Variants in NUMB observed in about 807,000 individuals in gnomAD.
NUMB encodes NUMB endocytic adaptor protein.
In NUMB, 29 loss-of-function variants were observed where a neutral mutation model predicts 59.7. That is an observed-to-expected ratio of 0.49 (90% confidence interval 0.36 to 0.66). The LOEUF (loss-of-function observed/expected upper bound fraction) is 0.66, where lower values mean the gene tolerates loss of function less well. Among genes scored for constraint, NUMB ranks in the 30% least tolerant of loss-of-function variants. The pLI is 0.00. For synonymous variants in NUMB, 288 were observed against 288.2 expected (o/e 1.00, Z 0.01); for missense variants, 723 against 822.0 (o/e 0.88, Z 1.47).
chr14:73,292,946 C>T, intron 7 of NUMB, 72 bp from the exon 8 acceptor site: 2 of 1,445,510 alleles, frequency 1.4e-6, no homozygotes, highest in East Asian at 2.3e-5. Flanking sequence ...ACAGGATGTT[C>T]ATTTCATGAT....
intron 1 of NUMB, among the ~76,000 whole-genome samples, chr14:73,432,947 G>A (rs1566794898): frequency 1.3e-5 from 2 of 152,204 alleles, no homozygotes. Flanking sequence ...GTTCACGCCT[G>A]TAATCCCAGC....
chr14:73,312,424 A>G (rs1480124345), intron 6 of NUMB, among the ~76,000 whole-genome samples: 1 of 151,998 alleles, frequency 6.6e-6, no homozygotes, highest in Non-Finnish European at 1.5e-5. Flanking sequence ...CACATAAGCC[A>G]TCGAGCACGC....
intron 2 of NUMB, among the ~76,000 whole-genome samples, chr14:73,379,763 G>A (rs1378464685): frequency 6.6e-6 from 1 of 152,142 alleles, no homozygotes; most frequent in African/African-American, 2.4e-5. Context: ...AAGTTGCAGT[G>A]TTAGAGGAAT....
chr14:73,368,962 G>A (rs1594956389), intron 2 of NUMB, among the ~76,000 whole-genome samples: 1 of 152,140 alleles, frequency 6.6e-6, no homozygotes. Context: ...TGTTAGTATG[G>A]AGGTATATAT....
chr14:73,341,641 G>A (rs1281816885), intron 4 of NUMB, among the ~76,000 whole-genome samples: 1 of 152,038 alleles, frequency 6.6e-6, no homozygotes, highest in Non-Finnish European at 1.5e-5. Context: ...CTATAGCCTC[G>A]AACTTCTGGC....
intron 1 of NUMB, among the ~76,000 whole-genome samples, chr14:73,430,408 T>A (rs1364127085): frequency 6.6e-6 from 1 of 152,046 alleles, no homozygotes; most frequent in African/African-American, 2.4e-5. Flanking sequence ...GGCAGGAAGA[T>A]GGCTTGAGCC....
At chr14:73,353,202 A>G (rs1043507775) in intron 4 of NUMB, among the ~76,000 whole-genome samples, 1 of 145,534 alleles carries the variant, frequency 6.9e-6, no homozygotes, top group South Asian at 2.2e-4. Context: ...CTCCTGCCTT[A>G]GCTTCCTGAG....
rs1379306129 is a variant in NUMB, at chr14:73,382,436, T to C, written c.-100-15455A>G. ...TGCCACTGCGCCCAGCCAAAGTGCC[T>C]ATTTTTATAGCAAAAAAAAAAAAAA... On this transcript the variant is annotated intron_variant, in intron 2 of 12. Transcript: ENST00000555238. 2.0e-5 allele frequency among the ~76,000 whole-genome samples: 3 copies of C among 146,358 alleles called. No homozygotes were observed. In the East Asian group the frequency reaches 5.8e-4, roughly 28 times the overall value.
chr14:73,445,572 C>T lies in NUMB; in HGVS notation c.-233+12921G>A, dbSNP rs140889697. Among the ~76,000 whole-genome samples the T allele has an allele frequency of 6.6e-4, 100 of 152,106 alleles. 1 individual carries two copies. Among genetic ancestry groups the T allele is most frequent in the African/African-American group, 1.0e-3 (43 of 41,486 alleles). ...ACTCTTTTCCAGTCCACACAAATAA[C>T]ACAGAGAAAGTTTTTTACCTCCCAC... is the stretch of plus-strand genomic sequence containing the variant. On this transcript the variant is annotated intron_variant, in intron 1 of 12. Transcript: ENST00000555238.
At chr14:73,367,103 T>C (rs900147919) in intron 2 of NUMB, 122 bp from the exon 3 acceptor site, 2 of 151,780 alleles carry the variant, frequency 1.3e-5, no homozygotes, top group Non-Finnish European at 2.9e-5. Flanking sequence ...ATTTTCCCCA[T>C]AAAACAAGAC....
At chr14:73,399,121 AAT>A (rs1369386412) in intron 2 of NUMB, among the ~76,000 whole-genome samples, 1 of 131,154 alleles carries the variant, frequency 7.6e-6, no homozygotes, top group Admixed American at 8.7e-5. Flanking sequence ...AAAAAGAATA[AAT>A]AGATTCACAG....
rs572557767 is a variant in NUMB at position 73,312,936 on chromosome 14, G to A, written c.234+3454C>T. ...GACATATGTATTCTGGTGATGCTACGGTGCTGCTCAGTTACTCTGAACATA... is the reference window on the plus strand; with the variant it reads ...GACATATGTATTCTGGTGATGCTACAGTGCTGCTCAGTTACTCTGAACATA... On this transcript the variant is annotated intron_variant, in intron 6 of 12. Coordinates refer to ENST00000555238, the MANE Select transcript of NUMB (RefSeq NM_001005743.2). Among the ~76,000 whole-genome samples the A allele has an allele frequency of 5.9e-5, 9 of 152,064 alleles. No individual in the cohort carries two copies. In the South Asian group the frequency reaches 1.2e-3, roughly 21 times the overall value.
intron 1 of NUMB, among the ~76,000 whole-genome samples, chr14:73,447,656 T>C (rs1333977908): frequency 3.5e-5 from 5 of 143,746 alleles, no homozygotes; most frequent in African/African-American, 1.0e-4. Flanking sequence ...CTGCGCAACA[T>C]AGAATGACCT....
chr14:73,323,353 G>A (rs1471707727), intron 4 of NUMB, 149 bp from the exon 5 acceptor site: 2 of 522,310 alleles, frequency 3.8e-6, no homozygotes, highest in Non-Finnish European at 6.8e-6. Context: ...CAAGCATGTT[G>A]GATAAGAGAC....
chr14:73,388,058 G>C (rs901747202), intron 2 of NUMB, among the ~76,000 whole-genome samples: 8 of 151,646 alleles, frequency 5.3e-5, no homozygotes, highest in Non-Finnish European at 1.2e-4. Context: ...AGTGAGCTAT[G>C]ATCATACCAC....
chr14:73,430,229 G>C (rs566535715), intron 1 of NUMB, among the ~76,000 whole-genome samples: 94 of 151,946 alleles, frequency 6.2e-4, no homozygotes, highest in Admixed American at 1.2e-3. Context: ...CATTTTACTT[G>C]AATAAATACC....
chr14:73,355,816 T>C, intron 3 of NUMB, 50 bp from the exon 4 acceptor site: 2 of 1,452,198 alleles, frequency 1.4e-6, no homozygotes, highest in Non-Finnish European at 9.4e-7. Flanking sequence ...CCTTCTTACA[T>C]ATTTAAACTT....
chr14:73,316,819 G>A (rs1485347038), intron 5 of NUMB, among the ~76,000 whole-genome samples: 3 of 152,182 alleles, frequency 2.0e-5, no homozygotes, highest in Admixed American at 2.0e-4. Context: ...ATAGAAGACT[G>A]GTTCCATATA....
chr14:73,342,537 A>G (rs958448050), intron 4 of NUMB, among the ~76,000 whole-genome samples: 2 of 152,250 alleles, frequency 1.3e-5, no homozygotes, highest in African/African-American at 2.4e-5. Flanking sequence ...GGTGTGGTCA[A>G]TGCCTATCAG....
Sources: gnomAD v4.1 joint callset for allele counts (sites outside exome capture counted in the v4.1 genomes callset) on GRCh38, gnomAD v4.1.1 for gene constraint, MANE v1.5 for transcripts, NCBI Gene and HGNC (gene_info 2026-07-23, HGNC 2026-07-21) for gene names.